Variants in ENPP6 observed in about 807,000 individuals in gnomAD.
ENPP6 encodes ectonucleotide pyrophosphatase/phosphodiesterase 6.
In ENPP6, 32 loss-of-function variants were observed where a neutral mutation model predicts 42.0. The ratio of observed to expected loss-of-function variants is 0.76; its 90% CI spans 0.58 to 1.02. The LOEUF (loss-of-function observed/expected upper bound fraction) is 1.02. Ranked by LOEUF, ENPP6 falls within the 50% of genes least tolerant of loss-of-function variation. The pLI is 0.00. For missense variants in ENPP6, 552 were observed against 566.8 expected, an observed-to-expected ratio of 0.97 and a Z score of 0.27; for synonymous variants, 213 against 216.0, an observed-to-expected ratio of 0.99 and a Z score of 0.12.
At chr4:184,175,537 T>TG (rs1737546847) in intron 1 of ENPP6, among the ~76,000 whole-genome samples, 1 of 149,430 alleles carries the variant, frequency 6.7e-6, no homozygotes, top group South Asian at 2.2e-4. Context: ...CACCGCAGAG[T>TG]GGGGGCATTT....
intron 6 of ENPP6, among the ~76,000 whole-genome samples, chr4:184,107,870 C>A (rs951438134): frequency 6.6e-6 from 1 of 151,508 alleles, no homozygotes; most frequent in Non-Finnish European, 1.5e-5. Context: ...AGCCGAGATC[C>A]CGCCATTACC....
At chr4:184,216,069 C>T (rs1235353731) in intron 1 of ENPP6, among the ~76,000 whole-genome samples, 4 of 152,288 alleles carry the variant, frequency 2.6e-5, no homozygotes, top group South Asian at 2.1e-4. Flanking sequence ...AGAAGCTGCA[C>T]GTGGCGTGGC....
At chr4:184,167,298 T>TA (rs977922776) in intron 1 of ENPP6, among the ~76,000 whole-genome samples, 2 of 152,160 alleles carry the variant, frequency 1.3e-5, no homozygotes, top group African/African-American at 4.8e-5. Flanking sequence ...GTAGTTTTAG[T>TA]AGAGACAGCT....
At chr4:184,131,301 T>TTCCTTCCTTCCTTCCC (rs1736627595) in intron 2 of ENPP6, among the ~76,000 whole-genome samples, 1 of 147,730 alleles carries the variant, frequency 6.8e-6, no homozygotes, top group Non-Finnish European at 1.5e-5. Flanking sequence ...CCTTCCTTCC[T>TTCCTTCCTTCCTTCCC]TCCTTCCTTT....
At chr4:184,182,482 C>T (rs1006803904) in intron 1 of ENPP6, among the ~76,000 whole-genome samples, 1 of 152,138 alleles carries the variant, frequency 6.6e-6, no homozygotes, top group African/African-American at 2.4e-5. Context: ...ATCAGAAATA[C>T]CATTTGACCC....
At chr4:184,172,124 G>C (rs1298496136) in intron 1 of ENPP6, among the ~76,000 whole-genome samples, 1 of 152,164 alleles carries the variant, frequency 6.6e-6, no homozygotes, top group East Asian at 1.9e-4. Context: ...GGGCGAGAGG[G>C]TGGGAAGGAA....
rs1013036940 is a variant in ENPP6 at position 184,206,351 on chromosome 4, G to A, written c.241+11228C>T. Among the ~76,000 whole-genome samples the A allele has an allele frequency of 4.6e-5, 5 of 107,680 alleles. 1 individual carries two copies. The highest frequency in any genetic ancestry group is 6.8e-4 in the South Asian group (2 of 2,936). The allele number at this position is 107,680 out of a possible 152,430, so 70.6% of individuals were successfully genotyped here. On this transcript the variant is annotated intron_variant, in intron 1 of 7. Coordinates refer to ENST00000296741, the MANE Select transcript of ENPP6 (RefSeq NM_153343.4). Reference sequence around the variant, plus strand: ...CGGCTCACTGCAAGCTCCGCCTCCCGGGTTCCCGCCATTCTCCTGCCTCAG... The same window carrying A: ...CGGCTCACTGCAAGCTCCGCCTCCCAGGTTCCCGCCATTCTCCTGCCTCAG...
At chr4:184,120,262 G>A (rs896704228) in intron 3 of ENPP6, among the ~76,000 whole-genome samples, 2 of 152,154 alleles carry the variant, frequency 1.3e-5, no homozygotes, top group African/African-American at 4.8e-5. Context: ...CTGGCTTCCT[G>A]GTGGCCCGTG....
At chr4:184,093,702 G>C (rs1735848423) in intron 7 of ENPP6, among the ~76,000 whole-genome samples, 1 of 149,630 alleles carries the variant, frequency 6.7e-6, no homozygotes, top group Non-Finnish European at 1.5e-5. Flanking sequence ...CCTGTCCAGA[G>C]AGGAGAAAGA....
chr4:184,198,148 C>T (rs537935119), intron 1 of ENPP6, among the ~76,000 whole-genome samples: 12 of 152,350 alleles, frequency 7.9e-5, no homozygotes, highest in Admixed American at 3.3e-4. Context: ...AGCCAACAGA[C>T]GGGGCTTGGC....
Position 184,097,455 on chromosome 4 carries a change from G to T in ENPP6, c.994-87C>A, listed in dbSNP as rs1464470949. 3.6e-5 allele frequency: 56 copies of T among 1,568,358 alleles called. No homozygotes were observed. The South Asian group carries it at 6.1e-4, about 17-fold the overall frequency. On this transcript the variant is annotated intron_variant, in intron 6 of 7. Transcript: ENST00000296741. Reference sequence around the variant, plus strand: ...TGCTCCAAGCCGCCACTCCACCGGGGGGCGCTTTCCTCCTCTGCGCTCCGA... The same window carrying T: ...TGCTCCAAGCCGCCACTCCACCGGGTGGCGCTTTCCTCCTCTGCGCTCCGA...
chr4:184,174,852 C>T (rs1272730058), intron 1 of ENPP6, among the ~76,000 whole-genome samples: 1 of 152,206 alleles, frequency 6.6e-6, no homozygotes, highest in Non-Finnish European at 1.5e-5. Flanking sequence ...ACCTTGGGGA[C>T]TCCCAGTTTC....
intron 2 of ENPP6, among the ~76,000 whole-genome samples, chr4:184,150,018 A>G (rs1323129705): frequency 1.3e-5 from 2 of 152,190 alleles, no homozygotes; most frequent in African/African-American, 4.8e-5. Flanking sequence ...TGGAGGGATT[A>G]AGTGAGTGAA....
intron 6 of ENPP6, among the ~76,000 whole-genome samples, chr4:184,101,978 G>C (rs1228704939): frequency 6.6e-6 from 1 of 152,174 alleles, no homozygotes; most frequent in East Asian, 1.9e-4. Flanking sequence ...TTCTCTCTGG[G>C]CGCCTGCACT....
intron 1 of ENPP6, among the ~76,000 whole-genome samples, chr4:184,175,681 G>A (rs1042690671): frequency 6.6e-6 from 1 of 152,198 alleles, no homozygotes; most frequent in African/African-American, 2.4e-5. Context: ...ATGAGATCTT[G>A]TTCTGGAGTA....
intron 1 of ENPP6, among the ~76,000 whole-genome samples, chr4:184,158,032 C>T (rs1027311031): frequency 1.3e-5 from 2 of 152,046 alleles, no homozygotes; most frequent in African/African-American, 2.4e-5. Flanking sequence ...TTTATAGTTC[C>T]TTACCTCTTT....
At chr4:184,113,564 T>G (rs1289778535) in intron 5 of ENPP6, among the ~76,000 whole-genome samples, 1 of 152,176 alleles carries the variant, frequency 6.6e-6, no homozygotes, top group Non-Finnish European at 1.5e-5. Flanking sequence ...TGCTCTAATA[T>G]TATGTCAAAA....
At chr4:184,167,935 A>G (rs1343039325) in intron 1 of ENPP6, among the ~76,000 whole-genome samples, 1 of 152,172 alleles carries the variant, frequency 6.6e-6, no homozygotes, top group African/African-American at 2.4e-5. Context: ...AATCTGCTTT[A>G]GGGATCAAAG....
intron 1 of ENPP6, among the ~76,000 whole-genome samples, chr4:184,173,302 A>C (rs1030906496): frequency 1.3e-5 from 2 of 152,234 alleles, no homozygotes; most frequent in Non-Finnish European, 2.9e-5. Context: ...GGATTCATGA[A>C]TGTGGATGTT....
Sources: gnomAD v4.1 joint callset for allele counts (sites outside exome capture counted in the v4.1 genomes callset) on GRCh38, gnomAD v4.1.1 for gene constraint, MANE v1.5 for transcripts, NCBI Gene and HGNC (gene_info 2026-07-23, HGNC 2026-07-21) for gene names.